Variants in CDH13 observed in about 807,000 individuals in gnomAD.
CDH13 encodes the protein cadherin-13.
CDH13 carries 24 observed loss-of-function variants against 63.8 expected under a neutral mutation model. The ratio of observed to expected loss-of-function variants is 0.38; its 90% confidence interval spans 0.27 to 0.53. The LOEUF (loss-of-function observed/expected upper bound fraction) is 0.53, where lower values mean the gene tolerates loss of function less well. CDH13 is among the 20% of genes least tolerant of loss of function. The probability of loss-of-function intolerance (pLI) is 0.85; values close to 1 mark genes in which losing one functional copy is unlikely to be tolerated. For missense variants in CDH13, 1,049 were observed against 903.1 expected (o/e 1.16, Z -2.07); for synonymous variants, 503 against 355.3 (o/e 1.42, Z -4.67).
At chr16:83,387,835 T>C (rs2091704784) in intron 6 of CDH13, among the ~76,000 whole-genome samples, 1 of 152,198 alleles carries the variant, frequency 6.6e-6, no homozygotes, top group Non-Finnish European at 1.5e-5. Flanking sequence ...TTTCTTTGCC[T>C]TGGTTTGCAG....
intron 2 of CDH13, among the ~76,000 whole-genome samples, chr16:82,885,664 AAATAATAGT>A (rs1230296942): frequency 1.6e-4 from 24 of 152,174 alleles, no homozygotes; most frequent in Non-Finnish European, 3.1e-4. Flanking sequence ...TCCTGGGAAG[AAATAATAGT>A]ATCTTTAAAA....
rs560454276 is a variant in CDH13, at chr16:82,966,308, C to A, written c.158-65702C>A. Among the ~76,000 whole-genome samples, 102 of 150,874 alleles carry A rather than the reference C, an allele frequency of 6.8e-4. 2 individuals are homozygous for A. The South Asian group carries it at 0.02, about 30-fold the overall frequency. ...GGACTACAGGCGCCCGCCACCACGCCCAGCTAATTTTTTTGTATTTTTAGT... is the reference window on the plus strand; with the variant it reads ...GGACTACAGGCGCCCGCCACCACGCACAGCTAATTTTTTTGTATTTTTAGT... On this transcript the variant is annotated intron_variant, in intron 2 of 13. Transcript: ENST00000567109.
At chr16:82,686,939 A>G (rs1406706039) in intron 1 of CDH13, among the ~76,000 whole-genome samples, 2 of 152,220 alleles carry the variant, frequency 1.3e-5, no homozygotes, top group African/African-American at 4.8e-5. Flanking sequence ...TTTTTCATCA[A>G]AATGCTAGAA....
intron 11 of CDH13, 108 bp from the exon 12 acceptor site, chr16:83,779,860 A>G: frequency 5.3e-6 from 4 of 761,896 alleles, no homozygotes; most frequent in Non-Finnish European, 8.4e-6. Flanking sequence ...CCTGTCTCAA[A>G]AAATAAAATA....
intron 8 of CDH13, among the ~76,000 whole-genome samples, chr16:83,622,386 A>G (rs1380154573): frequency 6.6e-6 from 1 of 152,226 alleles, no homozygotes; most frequent in Non-Finnish European, 1.5e-5. Context: ...GAGAGAAATC[A>G]GGCCCCCAAA....
chr16:83,664,286 G>A (rs957385823), intron 8 of CDH13, among the ~76,000 whole-genome samples: 16 of 152,118 alleles, frequency 1.1e-4, no homozygotes, highest in Non-Finnish European at 2.4e-4. Flanking sequence ...CTACTGTGAC[G>A]TAGCTAGGGA....
At chr16:82,741,888 G>A (rs777523569) in intron 1 of CDH13, among the ~76,000 whole-genome samples, 1 of 151,968 alleles carries the variant, frequency 6.6e-6, no homozygotes, top group African/African-American at 2.4e-5. Context: ...TCTTTCTCAA[G>A]TACTTAAATA....
Position 83,209,986 on chromosome 16 carries a change from G to T in CDH13, c.484-7359G>T, listed in dbSNP as rs144296451. Among the ~76,000 whole-genome samples, 914 of 152,266 alleles carry T rather than the reference G, an allele frequency of 6.0e-3. 10 individuals are homozygous for T. Among genetic ancestry groups the T allele is most frequent in the African/African-American group, 0.02 (813 of 41,548 alleles). The stretch of plus-strand genomic sequence containing the variant: ...TGGGTTGTGGCTTCGGACTGGAGAA[G>T]CAGGTGGAGACCCATCAAAGAAGAG... On this transcript the variant is annotated intron_variant, in intron 4 of 13. Transcript: ENST00000567109.
At chr16:83,351,984 T>G (rs2090960549) in intron 6 of CDH13, among the ~76,000 whole-genome samples, 1 of 152,198 alleles carries the variant, frequency 6.6e-6, no homozygotes, top group African/African-American at 2.4e-5. Flanking sequence ...GGCCTTGCTA[T>G]GGAATCCTTG....
intron 8 of CDH13, among the ~76,000 whole-genome samples, chr16:83,604,003 AG>A (rs1222473049): frequency 6.6e-6 from 1 of 152,046 alleles, no homozygotes; most frequent in Non-Finnish European, 1.5e-5. Context: ...AGACAGCACT[AG>A]GGGGGTGGGT....
chr16:83,649,099 T>C (rs1040644696), intron 8 of CDH13, among the ~76,000 whole-genome samples: 1 of 152,218 alleles, frequency 6.6e-6, no homozygotes, highest in Non-Finnish European at 1.5e-5. Flanking sequence ...TTTCTACTTA[T>C]GAAGTCCAGC....
chr16:83,194,337 C>T (rs2038811525), intron 4 of CDH13, among the ~76,000 whole-genome samples: 1 of 152,154 alleles, frequency 6.6e-6, no homozygotes, highest in Non-Finnish European at 1.5e-5. Context: ...CAGCGCAGAT[C>T]CAGCGTAATT....
At chr16:83,458,042 T>C (rs927531656) in intron 6 of CDH13, among the ~76,000 whole-genome samples, 7 of 152,182 alleles carry the variant, frequency 4.6e-5, no homozygotes, top group African/African-American at 1.7e-4. Context: ...CCTGGTGTGC[T>C]AAGTGCACCA....
intron 4 of CDH13, among the ~76,000 whole-genome samples, chr16:83,200,098 C>G (rs1358656593): frequency 1.3e-5 from 2 of 152,144 alleles, no homozygotes; most frequent in Non-Finnish European, 2.9e-5. Flanking sequence ...TGCTGATACG[C>G]TTGTTCAGGG....
At chr16:83,372,230 A>G (rs1477859889) in intron 6 of CDH13, among the ~76,000 whole-genome samples, 1 of 152,160 alleles carries the variant, frequency 6.6e-6, no homozygotes, top group Non-Finnish European at 1.5e-5. Flanking sequence ...GGGAGGTGAA[A>G]TATTTTACAC....
intron 2 of CDH13, among the ~76,000 whole-genome samples, chr16:83,019,070 C>G (rs1310783612): frequency 6.6e-6 from 1 of 152,108 alleles, no homozygotes; most frequent in East Asian, 1.9e-4. Context: ...TAAGAAAAAG[C>G]TTTCTTTCTT....
intron 3 of CDH13, among the ~76,000 whole-genome samples, chr16:83,123,548 G>C (rs953067559): frequency 6.6e-6 from 1 of 152,050 alleles, no homozygotes; most frequent in Admixed American, 6.5e-5. Flanking sequence ...CAAAGGGCTG[G>C]GATTACAGGC....
chr16:83,619,273 G>C (rs897862322), intron 8 of CDH13, among the ~76,000 whole-genome samples: 1 of 152,160 alleles, frequency 6.6e-6, no homozygotes, highest in East Asian at 1.9e-4. Flanking sequence ...GCATGGCTGG[G>C]GACAACCAGC....
At chr16:83,785,343 A>C (rs533932005) in intron 13 of CDH13, among the ~76,000 whole-genome samples, 2 of 152,246 alleles carry the variant, frequency 1.3e-5, no homozygotes, top group African/African-American at 4.8e-5. Flanking sequence ...TTTTCACATG[A>C]TGGGAGAGGC....
Sources: gnomAD v4.1 joint callset for allele counts (sites outside exome capture counted in the v4.1 genomes callset) on GRCh38, gnomAD v4.1.1 for gene constraint, MANE v1.5 for transcripts, NCBI Gene and HGNC (gene_info 2026-07-23, HGNC 2026-07-21) for gene names.